H2BN1: variants seen among roughly 807,000 people sequenced by gnomAD.
The protein encoded by H2BN1 is histone H2B.N.
chr17:32,900,353 C>G, the H2BN1 span, among the ~76,000 whole-genome samples: 1 of 152,084 alleles, frequency 6.6e-6, no homozygotes, highest in Admixed American at 6.5e-5. Flanking sequence ...TTTAGGGAAC[C>G]TAATATCTTA....
chr17:32,901,616 A>G, the H2BN1 span, among the ~76,000 whole-genome samples: 1 of 152,206 alleles, frequency 6.6e-6, no homozygotes, highest in African/African-American at 2.4e-5. Context: ...CCAGGAGTCA[A>G]AGTCCTATAA....
the H2BN1 span, among the ~76,000 whole-genome samples, chr17:32,897,581 C>T: frequency 1.6e-3 from 239 of 152,212 alleles, 1 homozygote; most frequent in South Asian, 0.015. Flanking sequence ...CAGGGCCTGA[C>T]GGCAGAGAGT....
chr17:32,896,096 T>C, the H2BN1 span, among the ~76,000 whole-genome samples: 1 of 152,194 alleles, frequency 6.6e-6, no homozygotes, highest in Non-Finnish European at 1.5e-5. Flanking sequence ...GTTTTTATTT[T>C]TTTTAGATAG....
chr17:32,900,639 T>C, the H2BN1 span, among the ~76,000 whole-genome samples: 1 of 151,904 alleles, frequency 6.6e-6, no homozygotes. Flanking sequence ...TGGAGTGCAG[T>C]GGTGTGATCT....
At chr17:32,895,526 G>A in the H2BN1 span, among the ~76,000 whole-genome samples, 1 of 152,140 alleles carries the variant, frequency 6.6e-6, no homozygotes, top group Non-Finnish European at 1.5e-5. Flanking sequence ...GGCCAACTCA[G>A]CCACTGGGAA....
At chr17:32,904,328 C>A in the H2BN1 span, among the ~76,000 whole-genome samples, 1 of 152,322 alleles carries the variant, frequency 6.6e-6, no homozygotes, top group East Asian at 1.9e-4. Context: ...GTAGACAAGA[C>A]CTCTTAGAAT....
chr17:32,903,759 T>C, the H2BN1 span, among the ~76,000 whole-genome samples: 2 of 152,232 alleles, frequency 1.3e-5, no homozygotes, highest in African/African-American at 4.8e-5. Flanking sequence ...TATTCCATTT[T>C]ACATAAACTC....
the H2BN1 span, among the ~76,000 whole-genome samples, chr17:32,896,594 A>T: frequency 2.6e-5 from 4 of 152,194 alleles, no homozygotes; most frequent in Admixed American, 1.3e-4. Flanking sequence ...TCTGTTGCTT[A>T]TCTTGGGAAA....
chr17:32,900,753 T>C, the H2BN1 span, among the ~76,000 whole-genome samples: 1 of 152,042 alleles, frequency 6.6e-6, no homozygotes, highest in Non-Finnish European at 1.5e-5. Flanking sequence ...GGCTAATTTT[T>C]TGTATTTTTA....
chr17:32,898,766 C>T, the H2BN1 span, among the ~76,000 whole-genome samples: 2 of 152,080 alleles, frequency 1.3e-5, no homozygotes, highest in Non-Finnish European at 2.9e-5. Context: ...AAAACAAAAA[C>T]AAAAGAACAA....
the H2BN1 span, among the ~76,000 whole-genome samples, chr17:32,901,446 A>G: frequency 2.5e-3 from 383 of 152,298 alleles, 1 homozygote; most frequent in African/African-American, 8.3e-3. Context: ...CTCTTCTGTG[A>G]TAGTCCCTGG....
the H2BN1 span, among the ~76,000 whole-genome samples, chr17:32,900,077 A>G: frequency 6.6e-6 from 1 of 152,242 alleles, no homozygotes; most frequent in African/African-American, 2.4e-5. Context: ...CTGACATACA[A>G]TTGACAAGGA....
At chr17:32,901,143 G>T in the H2BN1 span, among the ~76,000 whole-genome samples, 466 of 152,144 alleles carry the variant, frequency 3.1e-3, 5 homozygotes, top group African/African-American at 0.011. Context: ...GGAGGCAGAG[G>T]TTGCACTGAG....
chr17:32,903,088 C>T, the H2BN1 span, among the ~76,000 whole-genome samples: 11 of 151,964 alleles, frequency 7.2e-5, no homozygotes, highest in Admixed American at 5.9e-4. Context: ...CTTGAAAGAG[C>T]ATTTGACTAG....
chr17:32,904,929 G>A, the H2BN1 span, among the ~76,000 whole-genome samples: 1 of 152,142 alleles, frequency 6.6e-6, no homozygotes, highest in African/African-American at 2.4e-5. Flanking sequence ...TCTGATGGAA[G>A]AAAGACCGGA....
the H2BN1 span, among the ~76,000 whole-genome samples, chr17:32,900,775 GT>G: frequency 6.6e-6 from 1 of 151,950 alleles, no homozygotes; most frequent in Non-Finnish European, 1.5e-5. Context: ...TAGAGACAGA[GT>G]TTTACCACGT....
At chr17:32,904,086 TG>T in the H2BN1 span, among the ~76,000 whole-genome samples, 1 of 152,340 alleles carries the variant, frequency 6.6e-6, no homozygotes, top group South Asian at 2.1e-4. Context: ...AATTAATTTT[TG>T]TTGGAGATTT....
At chr17:32,905,436 C>T in the H2BN1 span, among the ~76,000 whole-genome samples, 1 of 152,152 alleles carries the variant, frequency 6.6e-6, no homozygotes, top group East Asian at 1.9e-4. Context: ...GGCATCTCTA[C>T]TCAGAATCCC....
the H2BN1 span, among the ~76,000 whole-genome samples, chr17:32,900,164 G>A: frequency 2.6e-5 from 4 of 152,290 alleles, no homozygotes; most frequent in Admixed American, 2.6e-4. Context: ...AGTCATATCA[G>A]AATTATAGGA....
Sources: gnomAD v4.1 joint callset for allele counts (sites outside exome capture counted in the v4.1 genomes callset) on GRCh38, gnomAD v4.1.1 for gene constraint, MANE v1.5 for transcripts, NCBI Gene and HGNC (gene_info 2026-07-23, HGNC 2026-07-21) for gene names.